PLXNB3: variants seen among roughly 807,000 people sequenced by gnomAD.
The protein encoded by PLXNB3 is plexin B3.
Under a neutral mutation model 125.7 loss-of-function variants are expected in PLXNB3, and 80 were observed. The observed-to-expected ratio is 0.64, with a 90% CI of 0.53 to 0.77. The LOEUF (loss-of-function observed/expected upper bound fraction) is 0.77, where lower values mean the gene tolerates loss of function less well. Among genes scored for constraint, PLXNB3 ranks in the 30% least tolerant of loss-of-function variants. PLXNB3 has a pLI of 0.00. For missense variants in PLXNB3, 1,836 were observed against 1,729.3 expected, an observed-to-expected ratio of 1.06 and a Z score of -1.09; for synonymous variants, 954 against 783.3, an observed-to-expected ratio of 1.22 and a Z score of -3.64.
rs1375306725 is a variant in PLXNB3 at position 153,779,094 on chromosome X, C to T, written c.*55C>T. ...CCACCAACACCGCAGCGCCTTATGA[C>T]CCCGGAACCGAGCCAGCCACTGAGG... On this transcript the variant is annotated 3_prime_UTR_variant, in exon 36 of 36. Transcript: ENST00000361971. 3.4e-6 allele frequency: 3 copies of T among 890,454 alleles called. No individual in the cohort carries two copies. Among genetic ancestry groups the T allele is most frequent in the East Asian group, 3.5e-5 (1 of 28,470 alleles). The allele number at this position is 890,454 out of a possible 1,213,427, so 73.4% of individuals were successfully genotyped here.
chrX:153,766,272 CT>C, intron 2 of PLXNB3: 4 of 1,166,650 alleles, frequency 3.4e-6, no homozygotes, highest in Non-Finnish European at 3.4e-6. Flanking sequence ...CTGCCTGGCT[CT>C]TTCCCCCAGC....
rs184964966 is a variant in PLXNB3 at position 153,770,704 on chromosome X, G to A, written c.2011-54G>A. The A allele has an allele frequency of 3.2e-3, 3,871 of 1,205,624 alleles. 6 individuals are homozygous for A. The highest frequency in any genetic ancestry group is 4.0e-3 in the Non-Finnish European group (3,541 of 892,069). ...TCCCTTCTCCACCCTTCCCAGACCC[G>A]CCCAGCAGTAGGCCCTTTGAGTTCT... On this transcript the variant is annotated intron_variant, in intron 10 of 35. Coordinates refer to ENST00000361971, the MANE Select transcript of PLXNB3 (RefSeq NM_005393.3).
In PLXNB3 at chrX:153,776,210, C is replaced by T; in HGVS notation, c.4725C>T (p.Asp1575=). 8.5e-7 allele frequency: 1 copy of T among 1,172,372 alleles called. No homozygotes were observed. Among genetic ancestry groups the T allele is most frequent in the South Asian group, 2.0e-5 (1 of 50,950 alleles). ...FSQRPSVHAL[D]LEWRSGLAGH... is the part of the protein sequence containing the mutation. ...AGAGGCCCTCAGTGCATGCCCTAGA[C>T]CTTGGTGAGAGAGCCAGCCCTGCCC... The change falls in exon 27 of 36, where the codon GAC becomes GAT. Residue 1575 remains aspartate, a synonymous_variant. Transcript: ENST00000361971.
chrX:153,770,092 G>A lies in PLXNB3; in HGVS notation c.1630G>A (p.Val544Ile), dbSNP rs1557061068. 6 of 1,210,670 alleles carry A rather than the reference G, an allele frequency of 5.0e-6. No individual in the cohort carries two copies. The South Asian group carries it at 7.0e-5, about 14-fold the overall frequency. The change falls in exon 8 of 36, where the codon GTC (valine) becomes ATC (isoleucine). Residue 544 changes from valine to isoleucine, a missense_variant and splice_region_variant. Physicochemically the swap from Val to Ile is conservative, Grantham distance 29. Coordinates refer to ENST00000361971, the MANE Select transcript of PLXNB3 (RefSeq NM_005393.3). ...CCGGTTTCTCCCCGCTGCATCCCAG[G>A]TCACTTTGTCTGTCCCCCGGCTGCC... ...GHHPRQEQGQ[V>I]TLSVPRLPIL... is the part of the protein sequence containing the mutation.
chrX:153,769,065 A>G lies in PLXNB3; in HGVS notation c.1384A>G (p.Thr462Ala), dbSNP rs199597733. 1 of 1,208,433 alleles carries G rather than the reference A, an allele frequency of 8.3e-7. No homozygotes were observed. Among genetic ancestry groups the G allele is most frequent in the African/African-American group, 1.7e-5 (1 of 57,533 alleles). Residue 462 changes from threonine (T) to alanine (A), a missense_variant, in exon 5 of 36, where the codon ACT (threonine) becomes GCT (alanine). Transcript: ENST00000361971. ...DSSGSHLYVL[T>A]AHQVDRIPVA... ...CAGTGGCAGTCACCTCTATGTCCTG[A>G]CTGCCCACCAGGTGAGGGCCATCCT...
chrX:153,775,388 A>G lies in PLXNB3; in HGVS notation c.4319A>G (p.Lys1440Arg), dbSNP rs782177378. Residue 1440 changes from lysine to arginine, a missense_variant, in exon 25 of 36, where the codon AAG (lysine) becomes AGG (arginine). Physicochemically the swap from Lys to Arg is conservative, Grantham distance 26 (BLOSUM62 2). Transcript: ENST00000361971. ...LAAHYVHRNP[K>R]LMLRRTETMV... Reference sequence around the variant, plus strand: ...GCCCATTACGTGCACAGGAACCCCAAGCTCATGCTACGCAGGTTGGCCTTG... The same window carrying G: ...GCCCATTACGTGCACAGGAACCCCAGGCTCATGCTACGCAGGTTGGCCTTG... 1.7e-6 allele frequency: 2 copies of G among 1,205,843 alleles called. No homozygotes were observed. The highest frequency in any genetic ancestry group is 3.5e-5 in the African/African-American group (2 of 57,575).
In PLXNB3 at chrX:153,778,384, C is replaced by T. The variant is rs1364935090; in HGVS notation, c.5475-12C>T. On this transcript the variant is annotated splice_polypyrimidine_tract_variant and intron_variant, in intron 33 of 35. Coordinates refer to ENST00000361971, the MANE Select transcript of PLXNB3 (RefSeq NM_005393.3). ...GGGGCTGCCCCACCCCTAACGAAGT[C>T]TGCTCCTCCAGGTACTATGCGGACA... 2.5e-6 allele frequency: 3 copies of T among 1,209,796 alleles called. No individual in the cohort carries two copies. The highest frequency in any genetic ancestry group is 3.5e-5 in the African/African-American group (2 of 57,372).
In PLXNB3 at chrX:153,767,217, G is replaced by C; in HGVS notation, c.390G>C (p.Val130=). The C allele has an allele frequency of 1.7e-6, 2 of 1,205,312 alleles. No homozygotes were observed. Among genetic ancestry groups the C allele is most frequent in the Non-Finnish European group, 2.2e-6 (2 of 892,501 alleles). ...LLVSSRAQEL[V]ACGQVRQGVC... ...TGAGCAGCCGCGCCCAGGAGCTGGT[G>C]GCCTGCGGGCAGGTGCGGCAGGGCG... Residue 130 remains valine, a synonymous_variant, in exon 3 of 36, where the codon GTG becomes GTC. Transcript: ENST00000361971.
Position 153,767,794 on chromosome X carries a change from G to T in PLXNB3, c.967G>T (p.Gly323Cys). Residue 323 changes from glycine (G) to cysteine (C), a missense_variant, in exon 3 of 36, where the codon GGT becomes TGT. Transcript: ENST00000361971. ...ALCAFPMVEL[G>C]ASMEQARRLC... is the part of the protein sequence containing the mutation. ...CTGTGCCTTCCCCATGGTGGAGCTG[G>T]GTGCCAGCATGGAGCAGGCCCGGAG... is the stretch of plus-strand genomic sequence containing the variant. 1 of 1,168,394 alleles carries T rather than the reference G, an allele frequency of 8.6e-7. No homozygotes were observed.
At chrX:153,770,033 G>A in intron 7 of PLXNB3, 59 bp from the exon 8 acceptor site, 1 of 1,193,287 alleles carries the variant, frequency 8.4e-7, no homozygotes, top group Non-Finnish European at 1.1e-6. Context: ...CCTCTCCCAT[G>A]GCCTCTGCTG....
At chrX:153,772,358 G>C in intron 16 of PLXNB3, 71 bp downstream of exon 16, 2 of 763,872 alleles carry the variant, frequency 2.6e-6, no homozygotes, top group Non-Finnish European at 3.9e-6. Flanking sequence ...CAGGCGCCTA[G>C]TAAGGATGTC....
chrX:153,777,644 C>T lies in PLXNB3; in HGVS notation c.5217C>T (p.His1739=), dbSNP rs782041663. The change falls in exon 31 of 36, where the codon CAC becomes CAT. Residue 1739 remains histidine, a synonymous_variant. Transcript: ENST00000361971. ...TTCTGGATGAGCTAGCAGAGAAGCA[C>T]GGCATCGAGGACCCAGGGACCCTGC... is the stretch of plus-strand genomic sequence containing the variant. ...FDLLDELAEK[H]GIEDPGTLHI... is the part of the protein sequence containing the mutation. The T allele has an allele frequency of 3.3e-6, 4 of 1,211,751 alleles. No individual in the cohort carries two copies. Among genetic ancestry groups the T allele is most frequent in the African/African-American group, 1.7e-5 (1 of 57,964 alleles).
In PLXNB3 at chrX:153,776,165, C is replaced by G. The variant is rs1557064101; in HGVS notation, c.4680C>G (p.Tyr1560Ter). Reference protein sequence around the residue: ...QVKEKVLDQVYKGTPFSQRPS... With the variant: ...QVKEKVLDQV The stretch of plus-strand genomic sequence containing the variant: ...AGGAGAAGGTGTTGGACCAAGTCTA[C>G]AAGGGCACCCCCTTCTCCCAGAGGC... The change falls in exon 27 of 36, where the codon TAC becomes TAG. Residue 1560 changes from tyrosine to a stop codon, truncating the protein, a stop_gained. Transcript: ENST00000361971. LOFTEE classifies it high-confidence loss of function. The G allele has an allele frequency of 1.7e-6, 2 of 1,195,246 alleles. No homozygotes were observed. Among genetic ancestry groups the G allele is most frequent in the Non-Finnish European group, 1.1e-6 (1 of 887,847 alleles).
chrX:153,775,277 A>T lies in PLXNB3; in HGVS notation c.4208A>T (p.His1403Leu). 4 of 1,206,399 alleles carry T rather than the reference A, an allele frequency of 3.3e-6. No homozygotes were observed. Among genetic ancestry groups the T allele is most frequent in the Non-Finnish European group, 4.5e-6 (4 of 893,201 alleles). The change falls in exon 25 of 36, where the codon CAT (histidine) becomes CTT (leucine). Residue 1403 changes from histidine (H) to leucine (L), a missense_variant. His to Leu is a moderately conservative substitution (Grantham distance 99, BLOSUM62 -3). Coordinates refer to ENST00000361971, the MANE Select transcript of PLXNB3 (RefSeq NM_005393.3). ...QPSFSQRDRC[H>L]VASLLSLALH... ...AGCTTTTCCCAGAGGGATCGCTGCC[A>T]TGTGGCTTCGCTGCTGTCGCTAGCG...
Position 153,770,572 on chromosome X carries a change from C to T in PLXNB3, c.1940C>T (p.Pro647Leu), listed in dbSNP as rs781926148. Residue 647 changes from proline to leucine, a missense_variant, in exon 10 of 36, where the codon CCG becomes CTG. Coordinates refer to ENST00000361971, the MANE Select transcript of PLXNB3 (RefSeq NM_005393.3). ...VGSIWRCHWC[P>L]QSSHCVYGEH... ...AGCATCTGGCGGTGTCACTGGTGCC[C>T]GCAGAGTAGCCACTGCGTGTACGGA... is the stretch of plus-strand genomic sequence containing the variant. The T allele has an allele frequency of 3.3e-5, 40 of 1,210,419 alleles. No homozygotes were observed. The highest frequency in any genetic ancestry group is 6.9e-5 in the African/African-American group (4 of 57,783).
intron 16 of PLXNB3, 124 bp from the exon 17 acceptor site, chrX:153,772,751 TGGTCCACTTTG>T: frequency 9.7e-7 from 1 of 1,035,918 alleles, no homozygotes. Flanking sequence ...AAGGAGGGCG[TGGTCCACTTTG>T]GCCCCAGGAG....
At chrX:153,768,477 G>A (rs782334880) in intron 4 of PLXNB3, 49 bp downstream of exon 4, 3 of 1,105,482 alleles carry the variant, frequency 2.7e-6, no homozygotes, top group Admixed American at 4.9e-5. Flanking sequence ...TGGCCACGGA[G>A]GCTCAGGAAA....
At position 153,770,432 on chromosome X, in the gene PLXNB3, G is replaced by C. The variant is rs782190621; in HGVS notation, c.1881G>C (p.Leu627Phe). 1.7e-6 allele frequency: 2 copies of C among 1,208,833 alleles called. No homozygotes were observed. The highest frequency in any genetic ancestry group is 1.1e-6 in the Non-Finnish European group (1 of 893,538). Residue 627 changes from leucine to phenylalanine, a missense_variant, in exon 9 of 36, where the codon TTG becomes TTC. Coordinates refer to ENST00000361971, the MANE Select transcript of PLXNB3 (RefSeq NM_005393.3). ...SFYDCSAVQA[L>F]EAAAPCRACV... ...ATGACTGCAGTGCCGTCCAGGCCTT[G>C]GAGGCGGCTGCCCCGTGAGTCCCTG...
At chrX:153,769,677 GTCCCCTTCACGCCTCCTGCTCAT>G in intron 6 of PLXNB3, 107 bp from the exon 7 acceptor site, 7 of 692,167 alleles carry the variant, frequency 1.0e-5, no homozygotes, top group Non-Finnish European at 1.5e-5. Context: ...TCTGGACACA[GTCCCCTTCACGCCTCCTGCTCAT>G]TGCACCCCAC....
Sources: allele counts gnomAD v4.1 joint callset, GRCh38; gene constraint gnomAD v4.1.1; transcripts MANE v1.5; gene names NCBI Gene and HGNC (gene_info 2026-07-23, HGNC 2026-07-21).